BIRC6: variants seen among roughly 807,000 people sequenced by gnomAD.
BIRC6 encodes baculoviral IAP repeat containing 6, also known as dual E2 ubiquitin-conjugating enzyme/E3 ubiquitin-protein ligase BIRC6.
In BIRC6, 98 loss-of-function variants were observed where a neutral mutation model predicts 503.3. The ratio of observed to expected loss-of-function variants is 0.19; its 90% CI spans 0.17 to 0.23. The LOEUF is 0.23. Among genes scored for constraint, BIRC6 ranks in the 10% least tolerant of loss-of-function variants. The probability of loss-of-function intolerance (pLI) is 1.00; values close to 1 mark genes in which losing one functional copy is unlikely to be tolerated. For synonymous variants in BIRC6, 2,240 were observed against 2,078.7 expected, an observed-to-expected ratio of 1.08 and a Z score of -2.11; for missense variants, 5,360 against 5,806.0, an observed-to-expected ratio of 0.92 and a Z score of 2.50.
intron 66 of BIRC6, among the ~76,000 whole-genome samples, chr2:32,588,517 A>G (rs72787510): frequency 0.014 from 2,060 of 152,240 alleles, 23 homozygotes; most frequent in Non-Finnish European, 0.023. Flanking sequence ...TCCCACACAC[A>G]CAGTATTATT....
chr2:32,592,665 G>A (rs1336623220), intron 66 of BIRC6, among the ~76,000 whole-genome samples: 1 of 151,564 alleles, frequency 6.6e-6, no homozygotes, highest in Non-Finnish European at 1.5e-5. Context: ...ACGTGATCTC[G>A]GCTCACTGCA....
chr2:32,511,420 C>T (rs2054420836), intron 53 of BIRC6, among the ~76,000 whole-genome samples: 1 of 148,454 alleles, frequency 6.7e-6, no homozygotes, highest in Admixed American at 6.7e-5. Flanking sequence ...TGCCATTCTT[C>T]TGCCTCAGCC....
intron 73 of BIRC6, among the ~76,000 whole-genome samples, chr2:32,611,819 T>C (rs1323265305): frequency 6.6e-6 from 1 of 152,224 alleles, no homozygotes; most frequent in Non-Finnish European, 1.5e-5. Context: ...CAACAGAGTT[T>C]TGTAAAGTTC....
At chr2:32,559,185 G>C (rs529893271) in intron 65 of BIRC6, among the ~76,000 whole-genome samples, 11 of 152,306 alleles carry the variant, frequency 7.2e-5, no homozygotes, top group African/African-American at 2.6e-4. Context: ...ATCTGTAGCT[G>C]TTGATGACAA....
intron 66 of BIRC6, among the ~76,000 whole-genome samples, chr2:32,581,011 G>A (rs2060637054): frequency 2.0e-5 from 3 of 152,146 alleles, no homozygotes; most frequent in African/African-American, 4.8e-5. Context: ...ATACGAATCC[G>A]ACGTCTACAA....
intron 65 of BIRC6, among the ~76,000 whole-genome samples, chr2:32,560,369 G>C (rs899177609): frequency 6.6e-6 from 1 of 151,980 alleles, no homozygotes; most frequent in Admixed American, 6.6e-5. Context: ...TGTTTTGCTA[G>C]CTTTTGCCTT....
At chr2:32,399,111 A>G (rs552658986) in intron 6 of BIRC6, among the ~76,000 whole-genome samples, 2 of 152,164 alleles carry the variant, frequency 1.3e-5, no homozygotes, top group East Asian at 3.9e-4. Flanking sequence ...TTGGAGACAC[A>G]GTCTTACTTT....
chr2:32,380,171 G>A lies in BIRC6; in HGVS notation c.526G>A (p.Ala176Thr). 6.4e-7 allele frequency: 1 copy of A among 1,556,252 alleles called. No individual in the cohort carries two copies. Among genetic ancestry groups the A allele is most frequent in the Non-Finnish European group, 8.7e-7 (1 of 1,155,312 alleles). ...TATTTAGGCACAGCAGCTCTTATCAGCATGTTTAGAAAAGGTAGATATTTC... is the reference window on the plus strand; with the variant it reads ...TATTTAGGCACAGCAGCTCTTATCAACATGTTTAGAAAAGGTAGATATTTC... Reference protein sequence around the residue: ...PVTEAQQLLSACLEKVDISST... With the variant: ...PVTEAQQLLSTCLEKVDISST... The change falls in exon 3 of 74, where the codon GCA becomes ACA. Residue 176 changes from alanine (A) to threonine (T), a missense_variant. Ala to Thr is a moderately conservative substitution (Grantham distance 58). This residue lies in a region of BIRC6 where 134 missense variants were observed against 150.9 expected (regional missense o/e 0.89). Coordinates refer to ENST00000421745, the MANE Select transcript of BIRC6 (RefSeq NM_016252.4).
At position 32,515,620 on chromosome 2, in the gene BIRC6, A is replaced by C; in HGVS notation, c.11199A>C (p.Ala3733=). ...CTTCTGGAAGCCATAATTTAGGTGC[A>C]CAACAGACCAGTGCAAGATCAGCTT... ...GSTSGSHNLG[A]QQTSARSASL... The change falls in exon 55 of 74, where the codon GCA becomes GCC. Residue 3733 remains alanine, a synonymous_variant. Transcript: ENST00000421745. 2 of 1,613,432 alleles carry C rather than the reference A, an allele frequency of 1.2e-6. No individual in the cohort carries two copies. The highest frequency in any genetic ancestry group is 8.5e-7 in the Non-Finnish European group (1 of 1,179,874).
At chr2:32,608,050 C>G (rs887531492) in intron 72 of BIRC6, among the ~76,000 whole-genome samples, 1 of 142,164 alleles carries the variant, frequency 7.0e-6, no homozygotes, top group Non-Finnish European at 1.5e-5. Context: ...TTATATGTAT[C>G]TAGTATATGA....
At chr2:32,587,710 C>T (rs368098016) in intron 66 of BIRC6, among the ~76,000 whole-genome samples, 4 of 152,196 alleles carry the variant, frequency 2.6e-5, no homozygotes, top group African/African-American at 7.2e-5. Flanking sequence ...TGCGACAGAG[C>T]GAGAATCTAT....
At chr2:32,504,160 A>G (rs2053540491) in intron 49 of BIRC6, among the ~76,000 whole-genome samples, 1 of 151,278 alleles carries the variant, frequency 6.6e-6, no homozygotes, top group South Asian at 2.1e-4. Flanking sequence ...TGGCCTCCCA[A>G]AGTGTTAGGA....
chr2:32,409,555 T>C (rs1301523074), intron 9 of BIRC6, among the ~76,000 whole-genome samples: 2 of 152,216 alleles, frequency 1.3e-5, no homozygotes, highest in Non-Finnish European at 2.9e-5. Flanking sequence ...CTAAGAGGAC[T>C]GCATAGGGAA....
chr2:32,605,927 T>C (rs2062418509), intron 71 of BIRC6, among the ~76,000 whole-genome samples: 1 of 152,202 alleles, frequency 6.6e-6, no homozygotes, highest in African/African-American at 2.4e-5. Flanking sequence ...TTAAAGTTTT[T>C]CCCATAGTTG....
chr2:32,385,022 G>A (rs542725799), intron 3 of BIRC6, among the ~76,000 whole-genome samples: 52 of 152,134 alleles, frequency 3.4e-4, no homozygotes, highest in Non-Finnish European at 6.3e-4. Context: ...TAGCAACTCT[G>A]TTAACTAGTG....
chr2:32,536,509 T>G (rs2057247764), intron 61 of BIRC6, among the ~76,000 whole-genome samples: 1 of 152,244 alleles, frequency 6.6e-6, no homozygotes, highest in African/African-American at 2.4e-5. Flanking sequence ...GCATCCAGTT[T>G]CAGCTTTCTA....
intron 69 of BIRC6, 51 bp downstream of exon 69, chr2:32,598,019 A>G: frequency 7.1e-7 from 1 of 1,414,752 alleles, no homozygotes; most frequent in Non-Finnish European, 9.6e-7. Flanking sequence ...TGGCTCATCT[A>G]ATTACTCAAA....
At chr2:32,524,817 C>T in intron 57 of BIRC6, 71 bp from the exon 58 acceptor site, 1 of 1,080,620 alleles carries the variant, frequency 9.3e-7, no homozygotes, top group Non-Finnish European at 1.2e-6. Context: ...TAATCTCCCT[C>T]TGAAACATAT....
chr2:32,361,840 T>G (rs1171760314), intron 1 of BIRC6, among the ~76,000 whole-genome samples: 4 of 152,230 alleles, frequency 2.6e-5, no homozygotes, highest in Admixed American at 6.5e-5. Flanking sequence ...CATTTACAGT[T>G]CTTCCTTGTC....
Sources: allele counts gnomAD v4.1 joint callset (sites outside exome capture counted in the v4.1 genomes callset), GRCh38; gene constraint gnomAD v4.1.1; regional missense constraint gnomAD v4.1.1; transcripts MANE v1.5; gene names NCBI Gene and HGNC (gene_info 2026-07-23, HGNC 2026-07-21).